The following ZNF334 variants were observed in gnomAD, a reference collection of about 807,000 sequenced individuals.
ZNF334 encodes zinc finger protein 334.
ZNF334 carries 14 observed loss-of-function variants against 12.4 expected under a neutral mutation model. The ratio of observed to expected loss-of-function variants is 1.13; its 90% CI spans 0.74 to 1.76. The LOEUF is 1.76. ZNF334 is among the 40% of genes most tolerant of loss of function. ZNF334 has a pLI of 0.00. For synonymous variants in ZNF334, 273 were observed against 269.6 expected (o/e 1.01, Z -0.12); for missense variants, 797 against 804.5 (o/e 0.99, Z 0.11).
At chr20:46,509,119 CTTT>C (rs754376671) in intron 2 of ZNF334, among the ~76,000 whole-genome samples, 1 of 152,162 alleles carries the variant, frequency 6.6e-6, no homozygotes, top group Non-Finnish European at 1.5e-5. Flanking sequence ...GACTCCTCTT[CTTT>C]TACTATAGTT....
chr20:46,465,406 C>T, the ZNF334 span: 1 of 154,008 alleles, frequency 6.5e-6, no homozygotes, highest in African/African-American at 2.4e-5. Context: ...AACTTTAAAA[C>T]AGTAAGCTCC....
In ZNF334 at chr20:46,500,824, A is replaced by T. The variant is rs1940486517; in HGVS notation, c.*472T>A. 1 of 177,002 alleles carries T rather than the reference A, an allele frequency of 5.6e-6. No individual in the cohort carries two copies. Among genetic ancestry groups the T allele is most frequent in the Non-Finnish European group, 1.2e-5 (1 of 82,482 alleles). 11.0% of individuals were successfully genotyped at this position (177,002 alleles called of 1,614,324 possible). On this transcript the variant is annotated 3_prime_UTR_variant, in exon 5 of 5. Transcript: ENST00000692313. The stretch of plus-strand genomic sequence containing the variant: ...AGATAAAGGTATACAGTCCACTACT[A>T]GAAGACTATGGAGTTAGCAGACAAC...
At chr20:46,504,775 T>C (rs2061373775) in intron 2 of ZNF334, 35 bp from the exon 3 acceptor site, 2 of 1,568,526 alleles carry the variant, frequency 1.3e-6, no homozygotes, top group Non-Finnish European at 1.7e-6. Context: ...GTGACCAAAA[T>C]TGAGTGATAT....
chr20:46,494,671 GGTTAAA>G (rs1338375749), downstream of ZNF334, among the ~76,000 whole-genome samples: 3 of 152,082 alleles, frequency 2.0e-5, no homozygotes, highest in Non-Finnish European at 4.4e-5. Flanking sequence ...TAATATCCTG[GGTTAAA>G]GTTAAACAGG....
the ZNF334 span, among the ~76,000 whole-genome samples, chr20:46,466,626 G>A: frequency 1.9e-3 from 296 of 152,218 alleles, 2 homozygotes; most frequent in Non-Finnish European, 1.6e-3. Flanking sequence ...TGAGATTACA[G>A]GTACGCACCA....
At position 46,501,306 on chromosome 20, in the gene ZNF334, T is replaced by C; in HGVS notation, c.2033A>G (p.His678Arg). The change falls in exon 5 of 5, where the codon CAC (histidine) becomes CGC (arginine). Residue 678 changes from histidine to arginine, a missense_variant. Physicochemically the swap from His to Arg is conservative, Grantham distance 29. Coordinates refer to ENST00000692313, the MANE Select transcript of ZNF334 (RefSeq NM_001353824.2). Reference sequence around the variant, plus strand: ...TTACTTTGTTGGAACTTATTCCTTGTGGGATTTCTGATGTAAAAGAAAGTT... The same window carrying C: ...TTACTTTGTTGGAACTTATTCCTTGCGGGATTTCTGATGTAAAAGAAAGTT... ...KSNFLLHQKSHKE is the reference protein window; with the variant it reads ...KSNFLLHQKSRKE 1 of 1,610,042 alleles carries C rather than the reference T, an allele frequency of 6.2e-7. No homozygotes were observed. Among genetic ancestry groups the C allele is most frequent in the South Asian group, 1.1e-5 (1 of 90,564 alleles).
At chr20:46,463,929 A>G in the ZNF334 span, 1 of 535,030 alleles carries the variant, frequency 1.9e-6, no homozygotes, top group East Asian at 4.9e-5. Context: ...CCAGATCATC[A>G]TGGAACAAGT....
the ZNF334 span, among the ~76,000 whole-genome samples, chr20:46,488,419 T>TTTTATATATATATATATATATA: frequency 1.2e-4 from 12 of 102,238 alleles, no homozygotes; most frequent in African/African-American, 3.9e-4. Flanking sequence ...AGCTCTTATT[T>TTTTATATATATATATATATATA]TATATATATA....
the ZNF334 span, among the ~76,000 whole-genome samples, chr20:46,486,428 C>A: frequency 4.6e-5 from 7 of 152,098 alleles, no homozygotes; most frequent in African/African-American, 1.4e-4. Flanking sequence ...AATAAAAATG[C>A]ATATACTAAT....
At chr20:46,498,709 GTGT>G (rs1471843870), downstream of ZNF334, among the ~76,000 whole-genome samples, 1 of 152,212 alleles carries the variant, frequency 6.6e-6, no homozygotes, top group Non-Finnish European at 1.5e-5. Flanking sequence ...CCCAAAATGT[GTGT>G]TGAATTCCTA....
chr20:46,479,586 T>G, the ZNF334 span, among the ~76,000 whole-genome samples: 6 of 152,180 alleles, frequency 3.9e-5, no homozygotes, highest in Admixed American at 3.9e-4. Flanking sequence ...TATCAGACCC[T>G]GAAGGAAATC....
At chr20:46,499,523 C>G (rs2061083648), downstream of ZNF334, 1 of 152,092 alleles carries the variant, frequency 6.6e-6, no homozygotes, top group Non-Finnish European at 1.5e-5. Context: ...TTTTATCCTG[C>G]TTGGGGTTCA....
At chr20:46,506,077 G>A (rs1468553486) in intron 2 of ZNF334, 16 of 339,188 alleles carry the variant, frequency 4.7e-5, no homozygotes, top group East Asian at 4.4e-4. Context: ...AAAGAGAATC[G>A]AGCATAGGAA....
chr20:46,482,482 T>C, the ZNF334 span, among the ~76,000 whole-genome samples: 1 of 152,220 alleles, frequency 6.6e-6, no homozygotes, highest in Non-Finnish European at 1.5e-5. Flanking sequence ...CAGGCAGACC[T>C]GAGTTAAATT....
chr20:46,462,611 C>T, the ZNF334 span, among the ~76,000 whole-genome samples: 1 of 152,246 alleles, frequency 6.6e-6, no homozygotes, highest in South Asian at 2.1e-4. Context: ...AATTCTGTAT[C>T]CAAGCCCCAG....
chr20:46,468,859 A>G, the ZNF334 span, among the ~76,000 whole-genome samples: 1 of 152,200 alleles, frequency 6.6e-6, no homozygotes, highest in Non-Finnish European at 1.5e-5. Flanking sequence ...TCAATATGAG[A>G]CATAATTACT....
chr20:46,502,274 T>G lies in ZNF334; in HGVS notation c.1065A>C (p.Gly355=). ...GEKPYECKEC[G]NAFSKKSYLV... is the part of the protein sequence containing the mutation. ...GATACGATTTCTTGCTGAAGGCATT[T>G]CCACATTCCTTGCATTCGTAAGGCT... Residue 355 remains glycine, a synonymous_variant, in exon 5 of 5, where the codon GGA becomes GGC. Transcript: ENST00000692313. The G allele has an allele frequency of 6.2e-7, 1 of 1,614,074 alleles. No individual in the cohort carries two copies. The highest frequency in any genetic ancestry group is 8.5e-7 in the Non-Finnish European group (1 of 1,180,004).
At chr20:46,488,041 C>A in the ZNF334 span, among the ~76,000 whole-genome samples, 39 of 152,016 alleles carry the variant, frequency 2.6e-4, no homozygotes, top group African/African-American at 9.2e-4. Flanking sequence ...CATGCGACAG[C>A]CCCCATAACA....
chr20:46,511,731 G>A (rs1269974739), intron 2 of ZNF334, among the ~76,000 whole-genome samples: 1 of 152,120 alleles, frequency 6.6e-6, no homozygotes, highest in Non-Finnish European at 1.5e-5. Context: ...CTCTGCCTGG[G>A]TATAGAAGTC....
Sources: allele counts gnomAD v4.1 joint callset (sites outside exome capture counted in the v4.1 genomes callset), GRCh38; gene constraint gnomAD v4.1.1; transcripts MANE v1.5; gene names NCBI Gene and HGNC (gene_info 2026-07-23, HGNC 2026-07-21).